PARPBP: variants seen among roughly 807,000 people sequenced by gnomAD.
PARPBP encodes the protein PARP1 binding protein.
Under a neutral mutation model 50.0 loss-of-function variants are expected in PARPBP, and 52 were observed. The observed-to-expected ratio is 1.04, with a 90% CI of 0.83 to 1.31. The LOEUF (loss-of-function observed/expected upper bound fraction) is 1.31. Among genes scored for constraint, PARPBP ranks in the 50% most tolerant of loss-of-function variants. PARPBP has a pLI of 0.00. For missense variants in PARPBP, 697 were observed against 672.0 expected (o/e 1.04, Z -0.41); for synonymous variants, 244 against 232.1 (o/e 1.05, Z -0.47).
chr12:102,138,767 T>C (rs1884078126), intron 2 of PARPBP, among the ~76,000 whole-genome samples: 1 of 152,234 alleles, frequency 6.6e-6, no homozygotes, highest in South Asian at 2.1e-4. Context: ...TTTCTTGTTT[T>C]TGTCAGGTTT....
At chr12:102,172,330 T>G (rs11111194) in intron 6 of PARPBP, among the ~76,000 whole-genome samples, 39,473 of 152,174 alleles carry the variant, frequency 0.26, 5,269 homozygotes, top group East Asian at 0.42. Context: ...TGTCTATACT[T>G]TCAGTAGTTC....
intron 9 of PARPBP, among the ~76,000 whole-genome samples, chr12:102,194,693 C>G (rs894818890): frequency 1.3e-5 from 2 of 151,796 alleles, no homozygotes; most frequent in African/African-American, 4.8e-5. Context: ...CATTAAGTCA[C>G]TTGGTCAAAT....
intron 9 of PARPBP, 134 bp downstream of exon 9, chr12:102,182,761 G>A: frequency 1.5e-6 from 1 of 672,130 alleles, no homozygotes; most frequent in South Asian, 2.0e-5. Context: ...AATGGAAAAT[G>A]AGTTATGACA....
At chr12:102,153,172 G>A (rs1475598465) in intron 3 of PARPBP, among the ~76,000 whole-genome samples, 1 of 152,104 alleles carries the variant, frequency 6.6e-6, no homozygotes, top group Non-Finnish European at 1.5e-5. Context: ...TCAGCATGCA[G>A]GACGACAGCT....
chr12:102,142,887 T>G (rs1884830821), intron 2 of PARPBP, among the ~76,000 whole-genome samples: 1 of 152,198 alleles, frequency 6.6e-6, no homozygotes, highest in South Asian at 2.1e-4. Flanking sequence ...CCGTATGAGG[T>G]GTCAGTCGGC....
intron 6 of PARPBP, among the ~76,000 whole-genome samples, chr12:102,172,866 T>C (rs578126023): frequency 6.6e-6 from 1 of 152,142 alleles, no homozygotes; most frequent in African/African-American, 2.4e-5. Context: ...GAAAAGCATA[T>C]AATGTTAATT....
chr12:102,172,348 C>T (rs1888844062), intron 6 of PARPBP, among the ~76,000 whole-genome samples: 1 of 152,200 alleles, frequency 6.6e-6, no homozygotes, highest in Non-Finnish European at 1.5e-5. Context: ...TTCATTGTAT[C>T]ATTATCACTT....
chr12:102,175,360 T>G, intron 6 of PARPBP, 123 bp from the exon 7 acceptor site: 2 of 557,570 alleles, frequency 3.6e-6, no homozygotes, highest in Non-Finnish European at 6.0e-6. Context: ...TTTAACTGTT[T>G]GATATATAAG....
chr12:102,197,041 T>C lies in PARPBP; in HGVS notation c.*750T>C. 1 of 1,612,214 alleles carries C rather than the reference T, an allele frequency of 6.2e-7. No homozygotes were observed. The highest frequency in any genetic ancestry group is 8.5e-7 in the Non-Finnish European group (1 of 1,178,716). ...TTCATCCCCAATTTCTCTCTTTTCTTGTGTTGATTCAGTATTCTGAACTCC... is the reference window on the plus strand; with the variant it reads ...TTCATCCCCAATTTCTCTCTTTTCTCGTGTTGATTCAGTATTCTGAACTCC... On this transcript the variant is annotated 3_prime_UTR_variant, in exon 11 of 11. Transcript: ENST00000327680.
At chr12:102,141,499 T>C (rs1884593234) in intron 2 of PARPBP, among the ~76,000 whole-genome samples, 1 of 152,196 alleles carries the variant, frequency 6.6e-6, no homozygotes, top group Non-Finnish European at 1.5e-5. Context: ...GAGTTTAATA[T>C]TGTTATGTGT....
chr12:102,195,154 C>G (rs1351320444), intron 9 of PARPBP, among the ~76,000 whole-genome samples, 158 bp from the exon 10 acceptor site: 1 of 151,380 alleles, frequency 6.6e-6, no homozygotes, highest in Non-Finnish European at 1.5e-5. Context: ...AGTTTGCAAA[C>G]TATGAAATAT....
chr12:102,177,110 G>C (rs1175758529), intron 7 of PARPBP, among the ~76,000 whole-genome samples: 5 of 152,204 alleles, frequency 3.3e-5, no homozygotes, highest in Non-Finnish European at 7.3e-5. Context: ...ATGGAATTCT[G>C]TGGTACTAAT....
intron 2 of PARPBP, among the ~76,000 whole-genome samples, chr12:102,147,001 A>G (rs1294087939): frequency 6.6e-6 from 1 of 152,138 alleles, no homozygotes; most frequent in Non-Finnish European, 1.5e-5. Context: ...AGAAATGCAA[A>G]TCAAAACCAC....
At position 102,123,007 on chromosome 12, in the gene PARPBP, G is replaced by A. The variant is rs1428745053; in HGVS notation, c.-3-879G>A. ...GATTCTGTGGATCAGCAGTTTGGGT[G>A]GGACACTGCTTGGTGATACTCTAGT... On this transcript the variant is annotated intron_variant, in intron 1 of 10. Transcript: ENST00000327680. Among the ~76,000 whole-genome samples, 2 of 152,146 alleles carry A rather than the reference G, an allele frequency of 1.3e-5. 1 individual carries two copies. The highest frequency in any genetic ancestry group is 4.8e-5 in the African/African-American group (2 of 41,428).
At chr12:102,140,401 T>C (rs746227448) in intron 2 of PARPBP, among the ~76,000 whole-genome samples, 1 of 152,200 alleles carries the variant, frequency 6.6e-6, no homozygotes, top group Non-Finnish European at 1.5e-5. Context: ...TTACTAGTGG[T>C]CCATCAATTT....
rs1223710069 is a variant in PARPBP at position 102,197,122 on chromosome 12, A to T, written c.*831A>T. On this transcript the variant is annotated 3_prime_UTR_variant, in exon 11 of 11. Coordinates refer to ENST00000327680, the MANE Select transcript of PARPBP (RefSeq NM_017915.5). ...TAGTGCAAGATAAGGTTTTATAGCC[A>T]GATTCAGTGGCAGACCATGATTTAA... 1.4e-5 allele frequency: 23 copies of T among 1,612,256 alleles called. No individual in the cohort carries two copies. Among genetic ancestry groups the T allele is most frequent in the Non-Finnish European group, 2.0e-5 (23 of 1,178,746 alleles).
At chr12:102,185,980 A>G (rs567709421) in intron 9 of PARPBP, among the ~76,000 whole-genome samples, 1 of 152,224 alleles carries the variant, frequency 6.6e-6, no homozygotes, top group Non-Finnish European at 1.5e-5. Context: ...GTACAGCTTC[A>G]GTCTCATTAC....
chr12:102,150,300 A>T (rs1016086949), intron 3 of PARPBP: 58 of 454,900 alleles, frequency 1.3e-4, no homozygotes, highest in Non-Finnish European at 2.3e-4. Flanking sequence ...AGACAGGAAA[A>T]TATATCCCTA....
intron 1 of PARPBP, among the ~76,000 whole-genome samples, chr12:102,122,001 A>G (rs912501985): frequency 6.6e-6 from 1 of 152,194 alleles, no homozygotes; most frequent in Non-Finnish European, 1.5e-5. Context: ...TTTCATTATG[A>G]GGAAGCTGAG....
Sources: gnomAD v4.1 joint callset for allele counts (sites outside exome capture counted in the v4.1 genomes callset) on GRCh38, gnomAD v4.1.1 for gene constraint, MANE v1.5 for transcripts, NCBI Gene and HGNC (gene_info 2026-07-23, HGNC 2026-07-21) for gene names.